The following CEP83 variants were observed in gnomAD, a reference collection of about 807,000 sequenced individuals.
The protein encoded by CEP83 is centrosomal protein of 83 kDa.
Under a neutral mutation model 101.9 loss-of-function variants are expected in CEP83, and 70 were observed. The observed-to-expected ratio is 0.69, with a 90% CI of 0.57 to 0.84. CEP83 has a LOEUF of 0.84. Ranked by LOEUF, CEP83 falls within the 40% of genes least tolerant of loss-of-function variation. The pLI is 0.00. For missense variants in CEP83, 715 were observed against 787.2 expected, an observed-to-expected ratio of 0.91 and a Z score of 1.10; for synonymous variants, 264 against 267.9, an observed-to-expected ratio of 0.99 and a Z score of 0.14.
At chr12:94,396,090 A>G (rs960918013) in intron 6 of CEP83, among the ~76,000 whole-genome samples, 1 of 152,110 alleles carries the variant, frequency 6.6e-6, no homozygotes, top group Non-Finnish European at 1.5e-5. Flanking sequence ...TATTTCACTC[A>G]GTCTACCATT....
chr12:94,355,796 A>G (rs2060441436), intron 11 of CEP83, among the ~76,000 whole-genome samples: 1 of 152,264 alleles, frequency 6.6e-6, no homozygotes. Flanking sequence ...AAGCCTGAGC[A>G]TCTGTGTCTT....
the CEP83 span, among the ~76,000 whole-genome samples, chr12:94,299,224 C>T: frequency 2.0e-5 from 3 of 152,176 alleles, 1 homozygote; most frequent in South Asian, 2.1e-4. Context: ...AAGTGCAGTA[C>T]TCAGATACTA....
chr12:94,424,088 G>A lies in CEP83; in HGVS notation c.-102+11187C>T, dbSNP rs2064997139. On this transcript the variant is annotated intron_variant, in intron 2 of 16. Coordinates refer to ENST00000397809, the MANE Select transcript of CEP83 (RefSeq NM_016122.3). Reference sequence around the variant, plus strand: ...AGGTACTTGTAGAGGAGATGTCTGAGTCACTCTCTGATACGAAGACACAGG... The same window carrying A: ...AGGTACTTGTAGAGGAGATGTCTGAATCACTCTCTGATACGAAGACACAGG... The A allele has an allele frequency of 2.5e-6, 4 of 1,609,808 alleles. No homozygotes were observed. In the Admixed American group the frequency reaches 6.7e-5, roughly 27 times the overall value.
At chr12:94,397,131 C>G (rs1373977594) in intron 6 of CEP83, among the ~76,000 whole-genome samples, 1 of 152,172 alleles carries the variant, frequency 6.6e-6, no homozygotes, top group Non-Finnish European at 1.5e-5. Flanking sequence ...TTTTTCCACC[C>G]TCTACTAATT....
At chr12:94,442,154 C>T (rs1268810941) in intron 1 of CEP83, among the ~76,000 whole-genome samples, 1 of 151,580 alleles carries the variant, frequency 6.6e-6, no homozygotes, top group Non-Finnish European at 1.5e-5. Context: ...TACTACTCAG[C>T]CATAAAAAGG....
chr12:94,315,968 T>G (rs1593099148), intron 14 of CEP83, among the ~76,000 whole-genome samples: 2 of 152,180 alleles, frequency 1.3e-5, no homozygotes, highest in South Asian at 4.1e-4. Context: ...TCTTCAAGAT[T>G]GCTTTGGGTA....
chr12:94,423,978 G>A, intron 2 of CEP83: 1 of 1,613,204 alleles, frequency 6.2e-7, no homozygotes, highest in East Asian at 2.2e-5. Context: ...GCAGGCTGGA[G>A]AGAAATGGGA....
chr12:94,353,596 A>G (rs759355164), intron 11 of CEP83, among the ~76,000 whole-genome samples: 12 of 152,218 alleles, frequency 7.9e-5, no homozygotes, highest in Non-Finnish European at 1.6e-4. Context: ...ATAACTTTGA[A>G]TGTAAACAGA....
Position 94,331,916 on chromosome 12 carries a change from ACC to A in CEP83, c.1578-89_1578-88del. 2.6e-6 allele frequency: 3 copies of A among 1,176,136 alleles called. No homozygotes were observed. In the Admixed American group the frequency reaches 5.8e-5, roughly 23 times the overall value. The allele number at this position is 1,176,136 out of a possible 1,614,324, so 72.9% of individuals were successfully genotyped here. A position where few individuals can be genotyped will look rare whatever the true frequency, so the allele number is the denominator to read the frequency against. On this transcript the variant is annotated intron_variant, in intron 13 of 16. Coordinates refer to ENST00000397809, the MANE Select transcript of CEP83 (RefSeq NM_016122.3). ...TATCACAAGTATAAGCAAACTCACT[ACC>A]TGTCTGACCACATTCTTAATTATCC... is the stretch of plus-strand genomic sequence containing the variant.
intron 1 of CEP83, among the ~76,000 whole-genome samples, chr12:94,446,278 T>TTTAGAAG (rs2066793781): frequency 1.3e-5 from 2 of 152,252 alleles, no homozygotes; most frequent in African/African-American, 2.4e-5. Flanking sequence ...TGGGTCTTTA[T>TTTAGAAG]TTAGAAGTTT....
At chr12:94,290,359 T>C in the CEP83 span, among the ~76,000 whole-genome samples, 1 of 152,054 alleles carries the variant, frequency 6.6e-6, no homozygotes, top group East Asian at 1.9e-4. Context: ...TGGAGGAGAA[T>C]TGAAAAATCA....
At chr12:94,364,728 A>G (rs549738444) in intron 11 of CEP83, among the ~76,000 whole-genome samples, 1 of 152,346 alleles carries the variant, frequency 6.6e-6, no homozygotes, top group South Asian at 2.1e-4. Flanking sequence ...ATACCCAAGT[A>G]TATATGGAAA....
intron 11 of CEP83, among the ~76,000 whole-genome samples, chr12:94,339,024 G>C (rs1178188782): frequency 6.6e-6 from 1 of 151,456 alleles, no homozygotes; most frequent in Non-Finnish European, 1.5e-5. Context: ...GAGTGCAATG[G>C]TGTGATCTCA....
At position 94,310,050 on chromosome 12, in the gene CEP83, C is replaced by T; in HGVS notation, c.1869G>A (p.Gln623=). 1 of 1,606,068 alleles carries T rather than the reference C, an allele frequency of 6.2e-7. No individual in the cohort carries two copies. Among genetic ancestry groups the T allele is most frequent in the Non-Finnish European group, 8.5e-7 (1 of 1,173,204 alleles). Residue 623 remains glutamine, a synonymous_variant, in exon 16 of 17, where the codon CAG becomes CAA. Coordinates refer to ENST00000397809, the MANE Select transcript of CEP83 (RefSeq NM_016122.3). ...GACTTCGAAATTCATTATGTCTTCT[C>T]TGTATATCTTTTAGTCTTTTTTGAA... ...TRLQKRLKDI[Q]RRHNEFRSLI...
chr12:94,343,205 C>G (rs2059767809), intron 11 of CEP83, among the ~76,000 whole-genome samples: 2 of 151,748 alleles, frequency 1.3e-5, no homozygotes, highest in African/African-American at 2.4e-5. Context: ...TACTATGGGA[C>G]TAAGTGACTA....
chr12:94,441,028 A>G (rs1239173730), intron 1 of CEP83, among the ~76,000 whole-genome samples: 1 of 152,202 alleles, frequency 6.6e-6, no homozygotes, highest in Non-Finnish European at 1.5e-5. Flanking sequence ...ACAAAAATCA[A>G]CTCAAGATGG....
At chr12:94,282,475 T>G in the CEP83 span, 3 of 955,908 alleles carry the variant, frequency 3.1e-6, no homozygotes, top group East Asian at 2.4e-5. Context: ...TTTTAAAACA[T>G]CCAGGACTCC....
intron 6 of CEP83, among the ~76,000 whole-genome samples, chr12:94,393,347 G>T (rs989611001): frequency 1.3e-5 from 2 of 152,092 alleles, no homozygotes; most frequent in Non-Finnish European, 2.9e-5. Context: ...ACATAATCCA[G>T]CATATAAACA....
At chr12:94,280,103 T>A in the CEP83 span, 1 of 326,578 alleles carries the variant, frequency 3.1e-6, no homozygotes. Context: ...AGAAAGGTCA[T>A]CTTCCTCTGC....
Sources: allele counts gnomAD v4.1 joint callset (sites outside exome capture counted in the v4.1 genomes callset), GRCh38; gene constraint gnomAD v4.1.1; transcripts MANE v1.5; gene names NCBI Gene and HGNC (gene_info 2026-07-23, HGNC 2026-07-21).